The following MYO3A variants were observed in gnomAD, a reference collection of about 807,000 sequenced individuals.
The protein encoded by MYO3A is myosin-IIIa.
In MYO3A, 180 loss-of-function variants were observed where a neutral mutation model predicts 192.7. That is an observed-to-expected ratio of 0.93 (90% confidence interval 0.83 to 1.06). The LOEUF is 1.06. Ranked by LOEUF, MYO3A falls within the 50% of genes least tolerant of loss-of-function variation. MYO3A has a pLI of 0.00. For synonymous variants in MYO3A, 628 were observed against 645.3 expected (o/e 0.97, Z 0.41); for missense variants, 1,896 against 1,905.0 (o/e 1.00, Z 0.09).
At chr10:26,060,439 A>C (rs12781231) in intron 10 of MYO3A, among the ~76,000 whole-genome samples, 8 of 151,710 alleles carry the variant, frequency 5.3e-5, no homozygotes, top group Admixed American at 1.3e-4. Flanking sequence ...CTGCACTCCA[A>C]CCTGGGTGAC....
chr10:26,068,600 G>A (rs1835000764), intron 11 of MYO3A, among the ~76,000 whole-genome samples, 168 bp from the exon 12 acceptor site: 1 of 152,192 alleles, frequency 6.6e-6, no homozygotes, highest in South Asian at 2.1e-4. Context: ...GCTGTCAAGT[G>A]AATGAGTAGT....
chr10:26,109,625 A>G (rs185397991), intron 17 of MYO3A, among the ~76,000 whole-genome samples: 1 of 152,328 alleles, frequency 6.6e-6, no homozygotes, highest in East Asian at 1.9e-4. Flanking sequence ...ATTAGAGGGG[A>G]CTACTATAAT....
intron 17 of MYO3A, among the ~76,000 whole-genome samples, chr10:26,108,415 C>A (rs996421590): frequency 6.6e-6 from 1 of 152,056 alleles, no homozygotes; most frequent in African/African-American, 2.4e-5. Context: ...ACTAATTCTT[C>A]AATTATTCTC....
At chr10:26,136,825 G>T (rs1028257013) in intron 20 of MYO3A, among the ~76,000 whole-genome samples, 1 of 152,118 alleles carries the variant, frequency 6.6e-6, no homozygotes, top group Non-Finnish European at 1.5e-5. Context: ...TTTGAGACCA[G>T]CCTGGCCAAC....
intron 20 of MYO3A, among the ~76,000 whole-genome samples, chr10:26,135,463 A>C (rs1839793196): frequency 6.6e-6 from 1 of 152,110 alleles, no homozygotes; most frequent in Admixed American, 6.6e-5. Flanking sequence ...GAGAATCAAC[A>C]TAAGGCAGGA....
chr10:26,191,762 C>T (rs940095281), intron 31 of MYO3A, among the ~76,000 whole-genome samples: 2 of 152,144 alleles, frequency 1.3e-5, no homozygotes, highest in South Asian at 2.1e-4. Context: ...CTTTCACCCT[C>T]GGTTGAAGCT....
chr10:26,060,671 A>G (rs577376049), intron 10 of MYO3A, among the ~76,000 whole-genome samples: 1 of 152,362 alleles, frequency 6.6e-6, no homozygotes, highest in East Asian at 1.9e-4. Context: ...TACTGGAAAC[A>G]TGAAAATTAA....
chr10:26,135,268 C>G (rs767512790), intron 20 of MYO3A, among the ~76,000 whole-genome samples: 23 of 151,914 alleles, frequency 1.5e-4, no homozygotes, highest in Non-Finnish European at 2.6e-4. Context: ...TTCCTTCTTT[C>G]TTTCTAAATA....
chr10:26,206,292 C>T (rs1340512135), intron 34 of MYO3A, among the ~76,000 whole-genome samples: 1 of 149,828 alleles, frequency 6.7e-6, no homozygotes, highest in Non-Finnish European at 1.5e-5. Flanking sequence ...AACTTCTGGC[C>T]TCAAGTGATC....
chr10:25,952,241 G>A lies in MYO3A; in HGVS notation c.131G>A (p.Gly44Asp). ...KVFKVLNKKN[G>D]QKAAVKILDP... ...TTTAAAGTATTGAATAAGAAAAATGGCCAAAAAGCAGCAGTCAAAATTCTT... is the reference window on the plus strand; with the variant it reads ...TTTAAAGTATTGAATAAGAAAAATGACCAAAAAGCAGCAGTCAAAATTCTT... Residue 44 changes from glycine to aspartate, a missense_variant, in exon 3 of 35, where the codon GGC becomes GAC. Coordinates refer to ENST00000642920, the MANE Select transcript of MYO3A (RefSeq NM_017433.5). The A allele has an allele frequency of 6.2e-7, 1 of 1,612,612 alleles. No homozygotes were observed. The highest frequency in any genetic ancestry group is 8.5e-7 in the Non-Finnish European group (1 of 1,179,190).
At chr10:26,115,380 A>G (rs1838439434) in intron 17 of MYO3A, among the ~76,000 whole-genome samples, 1 of 152,206 alleles carries the variant, frequency 6.6e-6, no homozygotes, top group African/African-American at 2.4e-5. Flanking sequence ...TTCACCTGTT[A>G]GTTGTTTTTA....
At chr10:26,172,649 T>C (rs1038172530) in intron 29 of MYO3A, among the ~76,000 whole-genome samples, 1 of 152,260 alleles carries the variant, frequency 6.6e-6, no homozygotes, top group Non-Finnish European at 1.5e-5. Context: ...GTCAGTACTA[T>C]GGAGGAATTC....
intron 23 of MYO3A, 48 bp downstream of exon 23, chr10:26,147,607 A>G (rs749108047): frequency 3.7e-6 from 6 of 1,612,456 alleles, no homozygotes; most frequent in Non-Finnish European, 5.1e-6. Flanking sequence ...CCAATCAAAT[A>G]GTTTCTATCT....
intron 4 of MYO3A, among the ~76,000 whole-genome samples, chr10:25,991,168 G>A (rs11014887): frequency 0.015 from 2,211 of 152,252 alleles, 47 homozygotes; most frequent in African/African-American, 0.051. Flanking sequence ...ATCCTCTCCA[G>A]CACCTGTTGT....
At chr10:25,957,776 A>T (rs542957549) in intron 4 of MYO3A, among the ~76,000 whole-genome samples, 11 of 152,274 alleles carry the variant, frequency 7.2e-5, no homozygotes, top group Admixed American at 1.3e-4. Context: ...ACTTTTTAAA[A>T]ATAGCTATTC....
intron 10 of MYO3A, among the ~76,000 whole-genome samples, chr10:26,027,985 A>T (rs2368118): frequency 2.0e-5 from 3 of 152,172 alleles, no homozygotes; most frequent in Non-Finnish European, 4.4e-5. Context: ...TTATTCTTGA[A>T]AATCCTATTT....
chr10:26,088,052 A>G (rs1588931398), intron 14 of MYO3A, 151 bp from the exon 15 acceptor site: 1 of 645,852 alleles, frequency 1.5e-6, no homozygotes, highest in East Asian at 2.8e-5. Context: ...GGAGGGGGAA[A>G]ATAGACCAGG....
In MYO3A at chr10:26,206,001, A is replaced by T. The variant is rs145522643; in HGVS notation, c.4730+2894A>T. ...TCATTATCCATTCATCCATTGATGG[A>T]CTCTTAAGTTGATTCCATATATTGG... is the stretch of plus-strand genomic sequence containing the variant. On this transcript the variant is annotated intron_variant, in intron 34 of 34. Coordinates refer to ENST00000642920, the MANE Select transcript of MYO3A (RefSeq NM_017433.5). Among the ~76,000 whole-genome samples the T allele has an allele frequency of 1.8e-3, 273 of 149,898 alleles. 2 individuals are homozygous for T. Among genetic ancestry groups the T allele is most frequent in the Middle Eastern group, 3.5e-3 (1 of 284 alleles).
intron 26 of MYO3A, among the ~76,000 whole-genome samples, chr10:26,165,536 A>C (rs1841697264): frequency 6.6e-6 from 1 of 152,170 alleles, no homozygotes. Flanking sequence ...GGATAGATTA[A>C]CCAATAGAGC....
Sources: gnomAD v4.1 joint callset for allele counts (sites outside exome capture counted in the v4.1 genomes callset) on GRCh38, gnomAD v4.1.1 for gene constraint, MANE v1.5 for transcripts, NCBI Gene and HGNC (gene_info 2026-07-23, HGNC 2026-07-21) for gene names.